Variants in GPT observed in about 807,000 individuals in gnomAD.
The protein encoded by GPT is alanine aminotransferase 1.
Under a neutral mutation model 51.4 loss-of-function variants are expected in GPT, and 60 were observed. The observed-to-expected ratio is 1.17, with a 90% CI of 0.95 to 1.45. The LOEUF (loss-of-function observed/expected upper bound fraction) is 1.45. Ranked by LOEUF, GPT falls within the 40% of genes most tolerant of loss-of-function variation. The pLI is 0.00. For missense variants in GPT, 853 were observed against 704.0 expected (o/e 1.21, Z -2.40); for synonymous variants, 397 against 303.1 (o/e 1.31, Z -3.22).
Position 144,507,134 on chromosome 8 carries a change from T to G in GPT, c.*134T>G. ...GGGGGGTGCTGGGCCCCTGCCTCTC[T>G]GCAGGTCCCTAATAAAGCTGTGTGG... On this transcript the variant is annotated 3_prime_UTR_variant, in exon 11 of 11. Transcript: ENST00000394955. 1.4e-6 allele frequency: 1 copy of G among 701,566 alleles called. No individual in the cohort carries two copies. Among genetic ancestry groups the G allele is most frequent in the Non-Finnish European group, 2.6e-6 (1 of 388,666 alleles). The allele number at this position is 701,566 out of a possible 1,614,324, so 43.5% of individuals were successfully genotyped here.
upstream of GPT, chr8:144,504,053 C>A: frequency 1.8e-6 from 1 of 566,092 alleles, no homozygotes; most frequent in Non-Finnish European, 3.2e-6. Context: ...CACCCACTGC[C>A]TCTGCCTCCC....
chr8:144,504,766 C>A lies in GPT; in HGVS notation c.253-5C>A. The A allele has an allele frequency of 6.2e-7, 1 of 1,607,558 alleles. No homozygotes were observed. The highest frequency in any genetic ancestry group is 8.5e-7 in the Non-Finnish European group (1 of 1,175,142). On this transcript the variant is annotated splice_polypyrimidine_tract_variant and splice_region_variant and intron_variant, in intron 2 of 10. Transcript: ENST00000394955. ...TGCCCTGGCCTCAGCACTCCGTCTT[C>A]CCAGGTCTTGGCCCTCTGTGTTAAC...
intron 3 of GPT, 46 bp downstream of exon 3, chr8:144,504,925 G>A (rs1826709814): frequency 6.2e-7 from 1 of 1,612,862 alleles, no homozygotes; most frequent in Non-Finnish European, 8.5e-7. Context: ...CCTGCCACTG[G>A]AGGAGGGAAG....
At position 144,504,286 on chromosome 8, in the gene GPT, G is replaced by T. The variant is rs746152978; in HGVS notation, c.-19G>T. The T allele has an allele frequency of 1.2e-6, 2 of 1,604,962 alleles. No homozygotes were observed. The highest frequency in any genetic ancestry group is 1.7e-6 in the Non-Finnish European group (2 of 1,179,542). ...CTGCCACCTCCTGAGCTGCCTTCCC[G>T]CCTGGTCTGGGTAGAGTCATGGCCT... On this transcript the variant is annotated 5_prime_UTR_variant, in exon 1 of 11. Transcript: ENST00000394955.
Position 144,507,029 on chromosome 8 carries a change from C to T in GPT, c.*29C>T. On this transcript the variant is annotated 3_prime_UTR_variant, in exon 11 of 11. Coordinates refer to ENST00000394955, the MANE Select transcript of GPT (RefSeq NM_005309.3). Reference sequence around the variant, plus strand: ...CCCCAGCTGGGGCCAGGCTGGGTCGCCCTGGACTGTGTGCTCAGGAGCCCT... The same window carrying T: ...CCCCAGCTGGGGCCAGGCTGGGTCGTCCTGGACTGTGTGCTCAGGAGCCCT... 6.5e-7 allele frequency: 1 copy of T among 1,538,220 alleles called. No homozygotes were observed. Among genetic ancestry groups the T allele is most frequent in the Non-Finnish European group, 9.0e-7 (1 of 1,115,870 alleles).
Position 144,504,165 on chromosome 8 carries a change from G to T in GPT, c.-140G>T, listed in dbSNP as rs527990674. 2.2e-4 allele frequency: 190 copies of T among 858,836 alleles called. No individual in the cohort carries two copies. Among genetic ancestry groups the T allele is most frequent in the Non-Finnish European group, 3.3e-4 (178 of 535,944 alleles). The allele number at this position is 858,836 out of a possible 1,614,324, so 53.2% of individuals were successfully genotyped here. A position where few individuals can be genotyped will look rare whatever the true frequency, so the allele number is the denominator to read the frequency against. The stretch of plus-strand genomic sequence containing the variant: ...AGTGAGGCCAGCTGCGGTGAAGAGG[G>T]TGCTCTCTTGCCTGGAGTTCCCTCT... On this transcript the variant is annotated 5_prime_UTR_variant, in exon 1 of 11. Transcript: ENST00000394955.
rs1261266909 is a variant in GPT, at chr8:144,506,384, C to T, written c.1109C>T (p.Pro370Leu). 4 of 1,559,980 alleles carry T rather than the reference C, an allele frequency of 2.6e-6. No homozygotes were observed. Among genetic ancestry groups the T allele is most frequent in the Non-Finnish European group, 3.5e-6 (4 of 1,155,582 alleles). ...LVVSPPAPTD[P>L]SFAQFQAEKQ... is the part of the protein sequence containing the mutation. ...GTCAGCCCGCCCGCGCCCACCGACC[C>T]CTCCTTTGCGCAGTTCCAGGCTGTG... Residue 370 changes from proline to leucine, a missense_variant, in exon 8 of 11, where the codon CCC (proline) becomes CTC (leucine). Pro to Leu is a moderately conservative substitution (Grantham distance 98, BLOSUM62 -3). Transcript: ENST00000394955. This position sits in a 1 kb window ranked among gnomAD's most constrained non-coding sequence, Gnocchi z 7.0.
At position 144,504,340 on chromosome 8, in the gene GPT, G is replaced by A; in HGVS notation, c.36G>A (p.Val12=). 1.2e-6 allele frequency: 2 copies of A among 1,610,878 alleles called. No individual in the cohort carries two copies. The highest frequency in any genetic ancestry group is 2.7e-5 in the African/African-American group (2 of 75,074). The part of the protein sequence containing the change: ...ASSTGDRSQA[V]RHGLRAKVLT... ...GCACAGGTGACCGGAGCCAGGCGGT[G>A]AGGCATGGACTGAGGGCGAAGGTGC... Residue 12 remains valine (V), a synonymous_variant, in exon 1 of 11, where the codon GTG becomes GTA. Transcript: ENST00000394955.
At position 144,504,243 on chromosome 8, in the gene GPT, C is replaced by T; in HGVS notation, c.-62C>T. 1 of 1,569,406 alleles carries T rather than the reference C, an allele frequency of 6.4e-7. No individual in the cohort carries two copies. The highest frequency in any genetic ancestry group is 8.6e-7 in the Non-Finnish European group (1 of 1,159,770). Reference sequence around the variant, plus strand: ...CCCACTAAGCCAGACCCAGCTGTCGCCATTCCCACTTCTGGTCCTGCCACC... The same window carrying T: ...CCCACTAAGCCAGACCCAGCTGTCGTCATTCCCACTTCTGGTCCTGCCACC... On this transcript the variant is annotated 5_prime_UTR_variant, in exon 1 of 11. Coordinates refer to ENST00000394955, the MANE Select transcript of GPT (RefSeq NM_005309.3).
chr8:144,507,102 G>A lies in GPT; in HGVS notation c.*102G>A. On this transcript the variant is annotated 3_prime_UTR_variant, in exon 11 of 11. Coordinates refer to ENST00000394955, the MANE Select transcript of GPT (RefSeq NM_005309.3). ...ACTTGCTCTTGATGCCTGGCGGGGT[G>A]GGGTGGGGGGGGTGCTGGGCCCCTG... 1.4e-6 allele frequency: 1 copy of A among 703,970 alleles called. No homozygotes were observed. The allele number at this position is 703,970 out of a possible 1,614,324, so 43.6% of individuals were successfully genotyped here.
chr8:144,504,900 G>T, intron 3 of GPT, 21 bp downstream of exon 3: 1 of 1,612,836 alleles, frequency 6.2e-7, no homozygotes, highest in Non-Finnish European at 8.5e-7. Flanking sequence ...GGGCCAGGAG[G>T]AAGCAGAGGG....
upstream of GPT, chr8:144,504,011 C>G: frequency 2.0e-6 from 1 of 509,830 alleles, no homozygotes; most frequent in Non-Finnish European, 3.6e-6. Flanking sequence ...TAGGCAGGCA[C>G]TGGGCCTTGC....
chr8:144,506,286 G>A lies in GPT; in HGVS notation c.1011G>A (p.Gln337=). The change falls in exon 8 of 11, where the codon CAG becomes CAA. Residue 337 remains glutamine, a synonymous_variant. Transcript: ENST00000394955. This position sits in a 1 kb window ranked among gnomAD's most constrained non-coding sequence, Gnocchi z 7.0. ...VEVVNMDAAV[Q]QQMLKLMSVR... is the part of the protein sequence containing the mutation. ...TGGTGAACATGGACGCTGCAGTGCAGCAGCAGATGCTGAAGCTGATGAGTG... is the reference window on the plus strand; with the variant it reads ...TGGTGAACATGGACGCTGCAGTGCAACAGCAGATGCTGAAGCTGATGAGTG... 2 of 1,601,654 alleles carry A rather than the reference G, an allele frequency of 1.2e-6. No individual in the cohort carries two copies. The highest frequency in any genetic ancestry group is 1.7e-6 in the Non-Finnish European group (2 of 1,177,100).
In GPT at chr8:144,505,270, G is replaced by T. The variant is rs559557046; in HGVS notation, c.520G>T (p.Gly174Cys). 6.3e-7 allele frequency: 1 copy of T among 1,594,210 alleles called. No individual in the cohort carries two copies. The highest frequency in any genetic ancestry group is 8.5e-7 in the Non-Finnish European group (1 of 1,171,006). The change falls in exon 5 of 11, where the codon GGC (glycine) becomes TGC (cysteine). Residue 174 changes from glycine (G) to cysteine (C), a missense_variant. Coordinates refer to ENST00000394955, the MANE Select transcript of GPT (RefSeq NM_005309.3). The stretch of plus-strand genomic sequence containing the variant: ...GACGGTGCTGAAGCTGCTGGTGGCC[G>T]GCGAGGGCCACACACGCACGGGTGT... The part of the protein sequence containing the change: ...IVTVLKLLVA[G>C]EGHTRTGVLI...
In GPT at chr8:144,505,110, A is replaced by C. The variant is rs1439473546; in HGVS notation, c.474A>C (p.Thr158=). 1 of 1,613,068 alleles carries C rather than the reference A, an allele frequency of 6.2e-7. No homozygotes were observed. The highest frequency in any genetic ancestry group is 1.1e-5 in the South Asian group (1 of 91,092). The change falls in exon 4 of 11, where the codon ACA becomes ACC. Residue 158 remains threonine, a synonymous_variant. Coordinates refer to ENST00000394955, the MANE Select transcript of GPT (RefSeq NM_005309.3). ...ACCCCAACAACGTCTTCCTGTCCAC[A>C]GGGGCCAGCGATGCCATCGTGGTAG... is the stretch of plus-strand genomic sequence containing the variant. ...PADPNNVFLS[T]GASDAIVTVL...
rs2130623562 is a variant in GPT, at chr8:144,506,382, C to T, written c.1107C>T (p.Asp369=). 6.4e-7 allele frequency: 1 copy of T among 1,560,196 alleles called. No individual in the cohort carries two copies. The highest frequency in any genetic ancestry group is 8.7e-7 in the Non-Finnish European group (1 of 1,155,776). ...TGGTCAGCCCGCCCGCGCCCACCGA[C>T]CCCTCCTTTGCGCAGTTCCAGGCTG... ...DLVVSPPAPT[D]PSFAQFQAEK... The change falls in exon 8 of 11, where the codon GAC becomes GAT. Residue 369 remains aspartate (D), a synonymous_variant. Coordinates refer to ENST00000394955, the MANE Select transcript of GPT (RefSeq NM_005309.3). The surrounding 1 kb of genome is among the most constrained non-coding windows in gnomAD (Gnocchi z 7.0).
rs1181926645 is a variant in GPT, at chr8:144,505,292, G to A, written c.542G>A (p.Gly181Asp). The A allele has an allele frequency of 1.9e-6, 3 of 1,577,860 alleles. No individual in the cohort carries two copies. Among genetic ancestry groups the A allele is most frequent in the Non-Finnish European group, 2.6e-6 (3 of 1,162,444 alleles). The change falls in exon 5 of 11, where the codon GGT becomes GAT. Residue 181 changes from glycine (G) to aspartate (D), a missense_variant. Coordinates refer to ENST00000394955, the MANE Select transcript of GPT (RefSeq NM_005309.3). ...LVAGEGHTRT[G>D]VLIPIPQYPL... Reference sequence around the variant, plus strand: ...GCCGGCGAGGGCCACACACGCACGGGTGTGCTCATCCCCATCCCCCAGTAC... The same window carrying A: ...GCCGGCGAGGGCCACACACGCACGGATGTGCTCATCCCCATCCCCCAGTAC...
rs762385509 is a variant in GPT, at chr8:144,505,377, C to G, written c.627C>G (p.Asp209Glu). The change falls in exon 5 of 11, where the codon GAC (aspartate) becomes GAG (glutamate). Residue 209 changes from aspartate to glutamate, a missense_variant. By Grantham distance (45) the Asp-to-Glu change is conservative (BLOSUM62 2). Coordinates refer to ENST00000394955, the MANE Select transcript of GPT (RefSeq NM_005309.3). ...CAGTGCAGGTGGATTACTACCTGGA[C>G]GAGGAGCGTGCCTGGGCGCTGGACG... ...LGAVQVDYYLDEERAWALDVA... is the reference protein window; with the variant it reads ...LGAVQVDYYLEEERAWALDVA... 5.0e-6 allele frequency: 8 copies of G among 1,588,916 alleles called. No individual in the cohort carries two copies. The highest frequency in any genetic ancestry group is 6.0e-6 in the Non-Finnish European group (7 of 1,168,842).
upstream of GPT, chr8:144,504,094 C>T (rs1471507877): frequency 2.4e-5 from 15 of 618,690 alleles, no homozygotes; most frequent in Non-Finnish European, 3.2e-5. Context: ...ACGGGTGGGG[C>T]GGGGCCCAAC....
Sources: allele counts gnomAD v4.1 joint callset, GRCh38; gene constraint gnomAD v4.1.1; non-coding constraint Gnocchi (gnomAD v3.1); transcripts MANE v1.5; gene names NCBI Gene and HGNC (gene_info 2026-07-23, HGNC 2026-07-21).